Variants in OSBP2 observed in about 807,000 individuals in gnomAD.
OSBP2 encodes the protein oxysterol-binding protein 2.
Under a neutral mutation model 96.0 loss-of-function variants are expected in OSBP2, and 66 were observed. The observed-to-expected ratio is 0.69, with a 90% CI of 0.56 to 0.84. The LOEUF (loss-of-function observed/expected upper bound fraction) is 0.84, where lower values mean the gene tolerates loss of function less well. OSBP2 is among the 40% of genes least tolerant of loss of function. OSBP2 has a pLI of 0.00. For synonymous variants in OSBP2, 525 were observed against 520.9 expected (o/e 1.01, Z -0.11); for missense variants, 1,038 against 1,222.7 (o/e 0.85, Z 2.25).
chr22:30,769,418 G>A (rs1248227602), intron 2 of OSBP2, among the ~76,000 whole-genome samples: 1 of 152,222 alleles, frequency 6.6e-6, no homozygotes, highest in Admixed American at 6.5e-5. Context: ...CGGAGGCTAA[G>A]AAGAGCAGAT....
intron 2 of OSBP2, among the ~76,000 whole-genome samples, chr22:30,811,124 T>C (rs1169618394): frequency 6.6e-6 from 1 of 151,320 alleles, no homozygotes; most frequent in Admixed American, 6.6e-5. Flanking sequence ...ATTTTCCAGA[T>C]CTTTTCCCAT....
intron 2 of OSBP2, among the ~76,000 whole-genome samples, chr22:30,862,186 G>A (rs944485300): frequency 2.6e-5 from 4 of 152,198 alleles, no homozygotes; most frequent in African/African-American, 9.6e-5. Flanking sequence ...CCCTAGCCTG[G>A]AGGGGCTGGG....
intron 2 of OSBP2, among the ~76,000 whole-genome samples, chr22:30,838,735 G>A (rs544019679): frequency 1.3e-5 from 2 of 151,142 alleles, no homozygotes; most frequent in Admixed American, 1.3e-4. Context: ...TTATCACTTG[G>A]ATTTTTTTTC....
Position 30,789,249 on chromosome 22 carries a change from A to G in OSBP2, c.853+47880A>G, listed in dbSNP as rs778399792. ...GTGCTCAACGGCTCTCAGAGGCTTC[A>G]CTGTGTTGTCTCTGAGATGCAGCCT... On this transcript the variant is annotated intron_variant, in intron 2 of 13. Transcript: ENST00000332585. Among the ~76,000 whole-genome samples the G allele has an allele frequency of 3.8e-4, 58 of 152,144 alleles. 1 individual carries two copies. Among genetic ancestry groups the G allele is most frequent in the Non-Finnish European group, 7.1e-4 (48 of 68,026 alleles).
intron 3 of OSBP2, among the ~76,000 whole-genome samples, chr22:30,875,110 C>T (rs2039549500): frequency 6.6e-6 from 1 of 152,176 alleles, no homozygotes; most frequent in Non-Finnish European, 1.5e-5. Flanking sequence ...GTGATGTTAC[C>T]TATTACAAAG....
At chr22:30,838,238 T>C (rs966942957) in intron 2 of OSBP2, among the ~76,000 whole-genome samples, 1 of 152,100 alleles carries the variant, frequency 6.6e-6, no homozygotes, top group African/African-American at 2.4e-5. Context: ...CATGCAGCTG[T>C]GGCATGAAGG....
chr22:30,710,714 G>T (rs989816255), intron 1 of OSBP2, among the ~76,000 whole-genome samples: 3 of 151,880 alleles, frequency 2.0e-5, no homozygotes, highest in Non-Finnish European at 4.4e-5. Flanking sequence ...AGGTTCAAGC[G>T]ATTCTCCTGT....
At chr22:30,711,289 AATAT>A (rs146077611) in intron 1 of OSBP2, among the ~76,000 whole-genome samples, 3,513 of 151,892 alleles carry the variant, frequency 0.023, 117 homozygotes, top group African/African-American at 0.08. Flanking sequence ...AGAACTAGGA[AATAT>A]ATATATTTAT....
chr22:30,811,332 TTTTATTTATTTATTTA>T (rs141199866), intron 2 of OSBP2, among the ~76,000 whole-genome samples: 6 of 138,088 alleles, frequency 4.3e-5, no homozygotes, highest in African/African-American at 1.4e-4. Flanking sequence ...TTTTTATTTA[TTTTATTTATTTATTTA>T]TTTATTTATT....
At chr22:30,905,674 T>A (rs2040314817) in intron 12 of OSBP2, among the ~76,000 whole-genome samples, 163 bp from the exon 13 acceptor site, 1 of 151,828 alleles carries the variant, frequency 6.6e-6, no homozygotes, top group South Asian at 2.1e-4. Context: ...TTCCGCCGGG[T>A]GGGCTCACTG....
At position 30,706,738 on chromosome 22, in the gene OSBP2, C is replaced by T. The variant is rs549459559; in HGVS notation, c.644+11185C>T. 5.3e-5 allele frequency among the ~76,000 whole-genome samples: 8 copies of T among 152,236 alleles called. No individual in the cohort carries two copies. The South Asian group carries it at 1.2e-3, about 24-fold the overall frequency. ...TTCTTCTAACAAACTTGCCTTACTC[C>T]CCCTTTGCAAGCCACATGTGTTTCA... On this transcript the variant is annotated intron_variant, in intron 1 of 13. Transcript: ENST00000332585.
intron 3 of OSBP2, among the ~76,000 whole-genome samples, chr22:30,876,835 A>AT (rs754700267): frequency 2.6e-5 from 4 of 152,122 alleles, no homozygotes; most frequent in Non-Finnish European, 5.9e-5. Context: ...GCTGAAAAGG[A>AT]TACAAGCCCA....
chr22:30,850,879 ATCTATACATTAAT>A (rs955863413), intron 2 of OSBP2, among the ~76,000 whole-genome samples: 32 of 152,344 alleles, frequency 2.1e-4, no homozygotes, highest in African/African-American at 7.7e-4. Context: ...ATTGCATTGA[ATCTATACATTAAT>A]TGTGGAAAAT....
At chr22:30,865,759 C>T (rs569095736) in intron 2 of OSBP2, among the ~76,000 whole-genome samples, 33 of 152,230 alleles carry the variant, frequency 2.2e-4, no homozygotes, top group African/African-American at 6.7e-4. Context: ...GGCCACACAC[C>T]GGGTGGTTAC....
At chr22:30,738,721 C>T (rs527764261) in intron 1 of OSBP2, among the ~76,000 whole-genome samples, 36 of 152,062 alleles carry the variant, frequency 2.4e-4, no homozygotes, top group South Asian at 1.9e-3. Context: ...CCACCGTGCC[C>T]GGCTAATTTT....
At chr22:30,885,476 G>A (rs1191202163) in intron 3 of OSBP2, among the ~76,000 whole-genome samples, 1 of 152,220 alleles carries the variant, frequency 6.6e-6, no homozygotes, top group Non-Finnish European at 1.5e-5. Flanking sequence ...GACCTGGGAA[G>A]CTGAAAAGAT....
chr22:30,694,409 A>C, upstream of OSBP2: 3 of 1,453,064 alleles, frequency 2.1e-6, no homozygotes, highest in South Asian at 4.3e-5. Flanking sequence ...CTTCGTGCGC[A>C]TTTCGTGGCC....
chr22:30,802,667 A>G (rs2145843334), intron 2 of OSBP2, among the ~76,000 whole-genome samples: 1 of 152,342 alleles, frequency 6.6e-6, no homozygotes, highest in East Asian at 1.9e-4. Flanking sequence ...GCGAGAGAAG[A>G]AGGCTAATCC....
At chr22:30,828,881 G>A (rs1003405216) in intron 2 of OSBP2, among the ~76,000 whole-genome samples, 2 of 152,150 alleles carry the variant, frequency 1.3e-5, no homozygotes, top group Admixed American at 1.3e-4. Context: ...CCAACCCTGA[G>A]CCCCTAGGTA....
Sources: gnomAD v4.1 joint callset for allele counts (sites outside exome capture counted in the v4.1 genomes callset) on GRCh38, gnomAD v4.1.1 for gene constraint, MANE v1.5 for transcripts, NCBI Gene and HGNC (gene_info 2026-07-23, HGNC 2026-07-21) for gene names.